RAB6A: variants seen among roughly 807,000 people sequenced by gnomAD.
RAB6A encodes the protein RAB6A, member RAS oncogene family.
In RAB6A, 8 loss-of-function variants were observed where a neutral mutation model predicts 32.3. The ratio of observed to expected loss-of-function variants is 0.25; its 90% CI spans 0.15 to 0.45. RAB6A has a LOEUF of 0.45. Among genes scored for constraint, RAB6A ranks in the 20% least tolerant of loss-of-function variants. The pLI, the probability that RAB6A is intolerant of heterozygous loss-of-function variation, is 1.00. For missense variants in RAB6A, 104 were observed against 249.4 expected, an observed-to-expected ratio of 0.42 and a Z score of 3.93; for synonymous variants, 73 against 82.1, an observed-to-expected ratio of 0.89 and a Z score of 0.60.
intron 6 of RAB6A, among the ~76,000 whole-genome samples, chr11:73,705,756 T>C (rs974567705): frequency 7.7e-6 from 1 of 129,464 alleles, no homozygotes. Flanking sequence ...TCTGGGAATA[T>C]ATAATTCCGA....
chr11:73,750,127 T>C (rs1388222517), intron 1 of RAB6A, among the ~76,000 whole-genome samples: 2 of 152,202 alleles, frequency 1.3e-5, no homozygotes, highest in Non-Finnish European at 2.9e-5. Flanking sequence ...AGGGTTTAAC[T>C]TAGACAAGAG....
In RAB6A at chr11:73,715,974, T is replaced by A. The variant is rs78971272; in HGVS notation, c.401+277A>T. 2.0e-3 allele frequency among the ~76,000 whole-genome samples: 298 copies of A among 152,302 alleles called. 1 individual carries two copies. Among genetic ancestry groups the A allele is most frequent in the African/African-American group, 6.7e-3 (277 of 41,564 alleles). On this transcript the variant is annotated intron_variant, in intron 5 of 7. Transcript: ENST00000336083. The stretch of plus-strand genomic sequence containing the variant: ...CAAAACACTTTTCATACTTATGAGA[T>A]CTAAAAAAAGCAAAATATTTACTGG...
At chr11:73,696,954 T>C (rs920709889) in intron 6 of RAB6A, among the ~76,000 whole-genome samples, 2 of 152,114 alleles carry the variant, frequency 1.3e-5, no homozygotes, top group East Asian at 1.9e-4. Context: ...CTCATGAAAA[T>C]GGCTTCCTCT....
At chr11:73,699,632 A>G (rs891721484) in intron 6 of RAB6A, among the ~76,000 whole-genome samples, 4 of 152,156 alleles carry the variant, frequency 2.6e-5, no homozygotes, top group African/African-American at 9.7e-5. Flanking sequence ...TTTATCATGT[A>G]TGACCCATTC....
chr11:73,733,260 T>C (rs1005895684), intron 1 of RAB6A, among the ~76,000 whole-genome samples: 10 of 151,920 alleles, frequency 6.6e-5, no homozygotes, highest in African/African-American at 2.4e-4. Flanking sequence ...TCTCCAGCTG[T>C]ATTTTAGGCC....
Position 73,740,485 on chromosome 11 carries a change from T to G in RAB6A, c.71-9662A>C, listed in dbSNP as rs181438015. 3.1e-3 allele frequency among the ~76,000 whole-genome samples: 465 copies of G among 152,270 alleles called. 2 individuals carry two copies. The highest frequency in any genetic ancestry group is 0.011 in the South Asian group (53 of 4,826). Reference sequence around the variant, plus strand: ...ATAAACCAAGCTAATGCTACTTCAGTGTAACTTACCTAGTCAATAAAACTA... The same window carrying G: ...ATAAACCAAGCTAATGCTACTTCAGGGTAACTTACCTAGTCAATAAAACTA... On this transcript the variant is annotated intron_variant, in intron 1 of 7. Coordinates refer to ENST00000336083, the MANE Select transcript of RAB6A (RefSeq NM_198896.2).
chr11:73,728,618 A>ATAATAG (rs1479881537), intron 2 of RAB6A, among the ~76,000 whole-genome samples: 5 of 147,132 alleles, frequency 3.4e-5, no homozygotes, highest in African/African-American at 1.2e-4. Context: ...TTAAATAATA[A>ATAATAG]TAATAATAAT....
At chr11:73,729,592 C>T (rs995591161) in intron 2 of RAB6A, 1 of 152,078 alleles carries the variant, frequency 6.6e-6, no homozygotes, top group African/African-American at 2.4e-5. Flanking sequence ...CTGCTTTAAC[C>T]TTTATTAACT....
At chr11:73,744,449 T>C (rs1198425275) in intron 1 of RAB6A, among the ~76,000 whole-genome samples, 1 of 136,254 alleles carries the variant, frequency 7.3e-6, no homozygotes, top group African/African-American at 2.8e-5. Context: ...AGGTCAAGGC[T>C]GTAGTATACT....
rs936580697 is a variant in RAB6A at position 73,760,894 on chromosome 11, C to T, written c.-259G>A. 19 of 457,794 alleles carry T rather than the reference C, an allele frequency of 4.2e-5. No individual in the cohort carries two copies. The highest frequency in any genetic ancestry group is 3.7e-4 in the African/African-American group (18 of 49,154). 28.4% of individuals were successfully genotyped at this position (457,794 alleles called of 1,614,324 possible). On this transcript the variant is annotated 5_prime_UTR_variant, in exon 1 of 8. Transcript: ENST00000336083. ...GAAGGAGGGCGGTGTCGGCAGGAGCCAGGGGTGTCCTCTGGCTTCCCAAAG... is the reference window on the plus strand; with the variant it reads ...GAAGGAGGGCGGTGTCGGCAGGAGCTAGGGGTGTCCTCTGGCTTCCCAAAG...
chr11:73,747,230 G>C (rs1946602914), intron 1 of RAB6A, among the ~76,000 whole-genome samples: 3 of 150,058 alleles, frequency 2.0e-5, no homozygotes, highest in African/African-American at 7.4e-5. Flanking sequence ...TTCTGAGACG[G>C]AGTCTTGCTC....
chr11:73,685,286 C>CTTTTTT (rs750488240), intron 6 of RAB6A, among the ~76,000 whole-genome samples: 15 of 117,244 alleles, frequency 1.3e-4, no homozygotes, highest in East Asian at 2.6e-4. Flanking sequence ...TATAGAAAGT[C>CTTTTTT]TTTTTTTTTT....
intron 1 of RAB6A, among the ~76,000 whole-genome samples, chr11:73,743,149 A>C (rs140124499): frequency 1.1e-3 from 160 of 151,868 alleles, no homozygotes; most frequent in African/African-American, 3.0e-3. Flanking sequence ...TACACACACA[A>C]AAAAAATTAG....
chr11:73,695,680 G>A (rs565683371), intron 6 of RAB6A, among the ~76,000 whole-genome samples: 2 of 152,212 alleles, frequency 1.3e-5, no homozygotes, highest in East Asian at 3.9e-4. Context: ...GCACCCAGCC[G>A]AGAATCCACT....
chr11:73,705,385 T>C (rs182649398), intron 6 of RAB6A, among the ~76,000 whole-genome samples: 86 of 152,096 alleles, frequency 5.7e-4, no homozygotes, highest in African/African-American at 1.1e-3. Flanking sequence ...CTGTCTTTAC[T>C]AAAAGTACAA....
chr11:73,709,812 T>C (rs559522926), intron 5 of RAB6A, among the ~76,000 whole-genome samples: 179 of 131,788 alleles, frequency 1.4e-3, no homozygotes, highest in African/African-American at 4.9e-3. Context: ...AAAAATGTAA[T>C]GAATTCATGC....
chr11:73,694,112 T>C (rs1261621633), intron 6 of RAB6A, among the ~76,000 whole-genome samples: 1 of 152,102 alleles, frequency 6.6e-6, no homozygotes, highest in African/African-American at 2.4e-5. Flanking sequence ...ATTCAACTGA[T>C]GTGGGGTGGG....
intron 6 of RAB6A, among the ~76,000 whole-genome samples, chr11:73,703,080 C>G (rs559067911): frequency 6.6e-6 from 1 of 151,330 alleles, no homozygotes; most frequent in Admixed American, 6.6e-5. Flanking sequence ...CCTCAGCCTC[C>G]GAAAGTGCTG....
chr11:73,742,200 T>A (rs1946507572), intron 1 of RAB6A, among the ~76,000 whole-genome samples: 2 of 152,138 alleles, frequency 1.3e-5, no homozygotes, highest in Non-Finnish European at 2.9e-5. Context: ...GAGAATTGCT[T>A]GAACCCAGGA....
Sources: gnomAD v4.1 joint callset for allele counts (sites outside exome capture counted in the v4.1 genomes callset) on GRCh38, gnomAD v4.1.1 for gene constraint, MANE v1.5 for transcripts, NCBI Gene and HGNC (gene_info 2026-07-23, HGNC 2026-07-21) for gene names.